Variants in GK5 observed in about 807,000 individuals in gnomAD.
GK5 encodes the protein ATP:glycerol 3-phosphotransferase 5.
GK5 carries 39 observed loss-of-function variants against 77.3 expected under a neutral mutation model. The observed-to-expected ratio is 0.50, with a 90% CI of 0.39 to 0.66. GK5 has a LOEUF of 0.66. Ranked by LOEUF, GK5 falls within the 30% of genes least tolerant of loss-of-function variation. The pLI is 0.00. For synonymous variants in GK5, 211 were observed against 208.0 expected, an observed-to-expected ratio of 1.01 and a Z score of -0.13; for missense variants, 487 against 633.8, an observed-to-expected ratio of 0.77 and a Z score of 2.49.
At chr3:142,180,925 A>T (rs1256387192) in intron 11 of GK5, among the ~76,000 whole-genome samples, 1 of 152,200 alleles carries the variant, frequency 6.6e-6, no homozygotes, top group African/African-American at 2.4e-5. Flanking sequence ...AGGCTTTGAG[A>T]ACTAATCTCC....
intron 12 of GK5, among the ~76,000 whole-genome samples, chr3:142,174,126 C>G (rs73872588): frequency 0.057 from 8,674 of 152,044 alleles, 842 homozygotes; most frequent in African/African-American, 0.2. Context: ...CTATAAGTAC[C>G]ACAGGGTGGA....
intron 9 of GK5, among the ~76,000 whole-genome samples, chr3:142,183,658 A>G (rs6440064): frequency 0.052 from 7,885 of 152,136 alleles, 395 homozygotes; most frequent in African/African-American, 0.13. Flanking sequence ...TTTAGTAGAC[A>G]TGGAGTTTCA....
At chr3:142,175,059 G>A (rs7628622) in intron 12 of GK5, among the ~76,000 whole-genome samples, 50,557 of 152,078 alleles carry the variant, frequency 0.33, 13,513 homozygotes, top group African/African-American at 0.75. Context: ...ACCCAAAGAC[G>A]CTAAGAACTG....
intron 4 of GK5, among the ~76,000 whole-genome samples, chr3:142,200,098 T>TATACAC (rs558125880): frequency 2.0e-5 from 3 of 148,794 alleles, no homozygotes; most frequent in Admixed American, 6.8e-5. Flanking sequence ...TATATATATA[T>TATACAC]ACACACACAC....
chr3:142,169,666 G>C (rs1366623543), intron 15 of GK5, among the ~76,000 whole-genome samples: 1 of 128,580 alleles, frequency 7.8e-6, no homozygotes. Context: ...CCACCTTACT[G>C]TTCTTTTTTT....
At chr3:142,189,627 G>T (rs529370895) in intron 5 of GK5, among the ~76,000 whole-genome samples, 1 of 152,134 alleles carries the variant, frequency 6.6e-6, no homozygotes, top group Admixed American at 6.5e-5. Flanking sequence ...GCCCTTAGGA[G>T]GCTAGGGTGA....
chr3:142,175,201 C>T (rs2063591414), intron 12 of GK5, among the ~76,000 whole-genome samples: 2 of 152,170 alleles, frequency 1.3e-5, no homozygotes, highest in Admixed American at 1.3e-4. Flanking sequence ...TTTCTTGCCT[C>T]TAATACCTAT....
At chr3:142,191,366 C>T (rs557565859) in intron 5 of GK5, among the ~76,000 whole-genome samples, 1 of 151,462 alleles carries the variant, frequency 6.6e-6, no homozygotes, top group Non-Finnish European at 1.5e-5. Flanking sequence ...AAAATAGCTA[C>T]AAAAGATATC....
intron 12 of GK5, among the ~76,000 whole-genome samples, chr3:142,174,962 G>A (rs1302144506): frequency 3.3e-5 from 5 of 152,186 alleles, no homozygotes; most frequent in East Asian, 1.9e-4. Flanking sequence ...GAAAAATGAT[G>A]ACAATTAAGC....
At chr3:142,201,166 T>G (rs2064015357) in intron 4 of GK5, among the ~76,000 whole-genome samples, 1 of 152,168 alleles carries the variant, frequency 6.6e-6, no homozygotes, top group Non-Finnish European at 1.5e-5. Context: ...CACAGAAAAT[T>G]CTATACAAAG....
intron 11 of GK5, among the ~76,000 whole-genome samples, chr3:142,181,188 G>C (rs552437673): frequency 6.6e-6 from 1 of 152,156 alleles, no homozygotes; most frequent in Non-Finnish European, 1.5e-5. Flanking sequence ...TTACCAATTT[G>C]TCTTTTATTT....
chr3:142,202,263 A>C (rs1017757515), intron 4 of GK5, among the ~76,000 whole-genome samples: 1 of 152,216 alleles, frequency 6.6e-6, no homozygotes. Flanking sequence ...CAAGAATAAG[A>C]ACAAAAAAGT....
chr3:142,195,397 G>A (rs530361180), intron 5 of GK5, among the ~76,000 whole-genome samples: 4 of 152,124 alleles, frequency 2.6e-5, no homozygotes, highest in African/African-American at 9.7e-5. Context: ...CTGGAGTGCA[G>A]TGGTGGTGTG....
chr3:142,198,724 T>A lies in GK5; in HGVS notation c.543+78A>T, dbSNP rs756983832. The A allele has an allele frequency of 4.8e-4, 589 of 1,237,864 alleles. 3 individuals carry two copies. The highest frequency in any genetic ancestry group is 6.2e-4 in the Non-Finnish European group (565 of 910,104). 76.7% of individuals were successfully genotyped at this position (1,237,864 alleles called of 1,614,324 possible). On this transcript the variant is annotated intron_variant, in intron 5 of 15. Transcript: ENST00000392993. The stretch of plus-strand genomic sequence containing the variant: ...AATCAAATTACTATCTTTATTCCTT[T>A]AATTTTTTCTTCCCCATAGTCTTTA...
chr3:142,198,908 A>G lies in GK5; in HGVS notation c.437T>C (p.Leu146Pro). The change falls in exon 5 of 16, where the codon CTT (leucine) becomes CCT (proline). Residue 146 changes from leucine (L) to proline (P), a missense_variant. Coordinates refer to ENST00000392993, the MANE Select transcript of GK5 (RefSeq NM_001039547.3). ...MKIFHSSCRV[L>P]HFFTRSKRLF... ...TCGTTTACTTCTAGTGAAAAAGTGAAGCACTCGGCAAGAACTGTGAAATAT... is the reference window on the plus strand; with the variant it reads ...TCGTTTACTTCTAGTGAAAAAGTGAGGCACTCGGCAAGAACTGTGAAATAT... 6.2e-7 allele frequency: 1 copy of G among 1,612,740 alleles called. No homozygotes were observed. The highest frequency in any genetic ancestry group is 8.5e-7 in the Non-Finnish European group (1 of 1,179,024).
At chr3:142,203,730 C>T (rs1168552215) in intron 4 of GK5, among the ~76,000 whole-genome samples, 5 of 152,050 alleles carry the variant, frequency 3.3e-5, no homozygotes, top group African/African-American at 4.8e-5. Flanking sequence ...GCTGAGATCG[C>T]GCCACTGCAC....
intron 9 of GK5, chr3:142,184,942 G>T (rs569669398): frequency 1.0e-6 from 1 of 985,288 alleles, no homozygotes; most frequent in Non-Finnish European, 1.2e-6. Flanking sequence ...CCTATGCCTA[G>T]ATTGAATAAG....
chr3:142,210,333 G>T (rs931143978), intron 3 of GK5, among the ~76,000 whole-genome samples: 6 of 152,136 alleles, frequency 3.9e-5, no homozygotes, highest in African/African-American at 1.4e-4. Context: ...TTTTCCACAG[G>T]ATCTAGTCTG....
intron 3 of GK5, among the ~76,000 whole-genome samples, chr3:142,207,747 A>G (rs147078670): frequency 3.2e-3 from 489 of 152,202 alleles, no homozygotes; most frequent in Non-Finnish European, 5.5e-3. Context: ...AGCTTTCACT[A>G]TCTTGTTTGT....
Sources: allele counts gnomAD v4.1 joint callset (sites outside exome capture counted in the v4.1 genomes callset), GRCh38; gene constraint gnomAD v4.1.1; transcripts MANE v1.5; gene names NCBI Gene and HGNC (gene_info 2026-07-23, HGNC 2026-07-21).